UBQLN1: variants seen among roughly 807,000 people sequenced by gnomAD.
UBQLN1 encodes the protein ubiquilin 1.
In UBQLN1, 13 loss-of-function variants were observed where a neutral mutation model predicts 65.4. The observed-to-expected ratio is 0.20, with a 90% CI of 0.13 to 0.32. UBQLN1 has a LOEUF of 0.32. UBQLN1 is among the 10% of genes least tolerant of loss of function. The probability of loss-of-function intolerance (pLI) is 1.00; values close to 1 mark genes in which losing one functional copy is unlikely to be tolerated. For synonymous variants in UBQLN1, 267 were observed against 247.8 expected (o/e 1.08, Z -0.73); for missense variants, 561 against 724.0 (o/e 0.77, Z 2.58).
At chr9:83,707,357 T>C (rs1832429041) in intron 1 of UBQLN1, 143 bp downstream of exon 1, 1 of 921,592 alleles carries the variant, frequency 1.1e-6, no homozygotes, top group African/African-American at 1.8e-5. Context: ...CCCACGAACT[T>C]GGGTGTGATC....
chr9:83,707,694 C>T lies in UBQLN1; in HGVS notation c.-15G>A, dbSNP rs549631010. 279 of 1,525,092 alleles carry T rather than the reference C, an allele frequency of 1.8e-4. 4 individuals carry two copies. In the South Asian group the frequency reaches 3.2e-3, roughly 17 times the overall value. 94.5% of individuals were successfully genotyped at this position (1,525,092 alleles called of 1,614,324 possible). A position where few individuals can be genotyped will look rare whatever the true frequency, so the allele number is the denominator to read the frequency against. ...CTCTCGGCCATGGCTGTGGCGGCGGCGGCGGCGGTGACTCAGGCAAGCAGG... is the reference window on the plus strand; with the variant it reads ...CTCTCGGCCATGGCTGTGGCGGCGGTGGCGGCGGTGACTCAGGCAAGCAGG... On this transcript the variant is annotated 5_prime_UTR_variant, in exon 1 of 11. Transcript: ENST00000376395.
intron 1 of UBQLN1, among the ~76,000 whole-genome samples, chr9:83,693,506 G>A (rs759205291): frequency 6.6e-6 from 1 of 151,854 alleles, no homozygotes; most frequent in Non-Finnish European, 1.5e-5. Flanking sequence ...TGTCTTGAAA[G>A]CATACCTTCT....
chr9:83,682,965 TTGCTAG>T lies in UBQLN1; in HGVS notation c.428_433del (p.Thr143_Ser144del). On this transcript the variant is annotated inframe_deletion, in exon 3 of 11. Coordinates refer to ENST00000376395, the MANE Select transcript of UBQLN1 (RefSeq NM_013438.5). Reference sequence around the variant, plus strand: ...AAGACACTTACCTAAACCAAAAGGGTTGCTAGTAGCAGAACCAGATGTAGAGTTACT... The same window carrying T: ...AAGACACTTACCTAAACCAAAAGGGTTAGCAGAACCAGATGTAGAGTTACT... 1 of 1,609,572 alleles carries T rather than the reference TTGCTAG, an allele frequency of 6.2e-7. No individual in the cohort carries two copies. The highest frequency in any genetic ancestry group is 1.7e-5 in the Admixed American group (1 of 59,918).
chr9:83,690,611 G>A (rs1275629497), intron 1 of UBQLN1, among the ~76,000 whole-genome samples: 1 of 152,144 alleles, frequency 6.6e-6, no homozygotes, highest in East Asian at 1.9e-4. Context: ...GTTCATGACT[G>A]TAACCTCAGC....
rs1380090244 is a variant in UBQLN1, at chr9:83,663,816, GA to G, written c.1617+58del. On this transcript the variant is annotated intron_variant, in intron 10 of 10. Coordinates refer to ENST00000376395, the MANE Select transcript of UBQLN1 (RefSeq NM_013438.5). Reference sequence around the variant, plus strand: ...TTTTCTCCCTTTTTCCTTCTTTTTGGAAATTTCTAAATTTCCAACATTAAGG... The same window carrying G: ...TTTTCTCCCTTTTTCCTTCTTTTTGGAATTTCTAAATTTCCAACATTAAGG... 12 of 1,549,194 alleles carry G rather than the reference GA, an allele frequency of 7.7e-6. No homozygotes were observed. The Admixed American group carries it at 2.1e-4, about 27-fold the overall frequency.
chr9:83,699,298 T>C (rs746437687), intron 1 of UBQLN1, among the ~76,000 whole-genome samples: 3 of 152,242 alleles, frequency 2.0e-5, no homozygotes, highest in Non-Finnish European at 4.4e-5. Flanking sequence ...CAGTCCTTCC[T>C]TTTGATTAAA....
At position 83,679,411 on chromosome 9, in the gene UBQLN1, T is replaced by G. The variant is rs117360718; in HGVS notation, c.711+364A>C. Among the ~76,000 whole-genome samples, 1,067 of 152,332 alleles carry G rather than the reference T, an allele frequency of 7.0e-3. 8 individuals are homozygous for G. The highest frequency in any genetic ancestry group is 0.014 in the Middle Eastern group (4 of 294). On this transcript the variant is annotated intron_variant, in intron 4 of 10. Coordinates refer to ENST00000376395, the MANE Select transcript of UBQLN1 (RefSeq NM_013438.5). Reference sequence around the variant, plus strand: ...CTTTAAAGTTGTTGCAATTTTGTATTCAACATATAAGGCAGGAGGTTATTT... The same window carrying G: ...CTTTAAAGTTGTTGCAATTTTGTATGCAACATATAAGGCAGGAGGTTATTT...
chr9:83,678,636 G>T (rs1489484755), intron 4 of UBQLN1, 37 bp from the exon 5 acceptor site: 2 of 1,572,488 alleles, frequency 1.3e-6, no homozygotes, highest in South Asian at 1.2e-5. Context: ...AAAAAAAAAG[G>T]CATTGAAATA....
chr9:83,707,358 G>A (rs762197943), intron 1 of UBQLN1, 142 bp downstream of exon 1: 20 of 921,544 alleles, frequency 2.2e-5, no homozygotes, highest in Non-Finnish European at 3.0e-5. Context: ...CCACGAACTT[G>A]GGTGTGATCT....
intron 4 of UBQLN1, 68 bp from the exon 5 acceptor site, chr9:83,678,667 C>G: frequency 6.8e-7 from 1 of 1,461,972 alleles, no homozygotes; most frequent in Non-Finnish European, 9.3e-7. Flanking sequence ...ACATTAATTA[C>G]TTTATTAACT....
Position 83,661,781 on chromosome 9 carries a change from A to C in UBQLN1, c.*6T>G. Reference sequence around the variant, plus strand: ...AATTACATTTTTTCAAGATACAGAAATGCTGCTATGATGGCTGGGAGCCCA... The same window carrying C: ...AATTACATTTTTTCAAGATACAGAACTGCTGCTATGATGGCTGGGAGCCCA... On this transcript the variant is annotated 3_prime_UTR_variant, in exon 11 of 11. Coordinates refer to ENST00000376395, the MANE Select transcript of UBQLN1 (RefSeq NM_013438.5). The C allele has an allele frequency of 2.5e-6, 4 of 1,591,640 alleles. No homozygotes were observed. The highest frequency in any genetic ancestry group is 3.4e-6 in the Non-Finnish European group (4 of 1,168,730).
At chr9:83,666,209 G>C in intron 8 of UBQLN1, 141 bp downstream of exon 8, 1 of 719,936 alleles carries the variant, frequency 1.4e-6, no homozygotes, top group Non-Finnish European at 2.3e-6. Flanking sequence ...AGATCAAGCT[G>C]AATTCTCTAC....
intron 1 of UBQLN1, among the ~76,000 whole-genome samples, chr9:83,696,852 C>T (rs1241427713): frequency 6.6e-6 from 1 of 152,088 alleles, no homozygotes; most frequent in Non-Finnish European, 1.5e-5. Flanking sequence ...GGAGACAATC[C>T]ATATAATCAC....
intron 1 of UBQLN1, among the ~76,000 whole-genome samples, chr9:83,702,840 GCTCAATTTGA>G (rs1465353635): frequency 1.3e-5 from 2 of 152,056 alleles, no homozygotes; most frequent in Non-Finnish European, 2.9e-5. Context: ...TCAAAGAAAG[GCTCAATTTGA>G]CTCAATACGT....
chr9:83,687,340 C>A (rs1832056445), intron 1 of UBQLN1, among the ~76,000 whole-genome samples: 1 of 152,130 alleles, frequency 6.6e-6, no homozygotes, highest in Admixed American at 6.5e-5. Context: ...AGATCTTTAC[C>A]AAAATCACCA....
intron 1 of UBQLN1, among the ~76,000 whole-genome samples, chr9:83,704,116 C>T (rs1386503895): frequency 6.6e-6 from 1 of 152,160 alleles, no homozygotes; most frequent in African/African-American, 2.4e-5. Context: ...TACCCTCTGA[C>T]CCTCCAAAAT....
chr9:83,706,358 G>C (rs767753674), intron 1 of UBQLN1, among the ~76,000 whole-genome samples: 4 of 152,094 alleles, frequency 2.6e-5, no homozygotes, highest in African/African-American at 7.2e-5. Flanking sequence ...TACAAAAATG[G>C]TAAGGAAAAT....
At position 83,678,598 on chromosome 9, in the gene UBQLN1, G is replaced by T; in HGVS notation, c.713C>A (p.Thr238Lys). ...TGCTGGATTCCTGGCAAGTTCCAAC[G>T]TCTACGAAAAATATTTCCAAAAAAA... ...MLNNPDIMRQTLELARNPAMM... is the reference protein window; with the variant it reads ...MLNNPDIMRQKLELARNPAMM... Residue 238 changes from threonine (T) to lysine (K), a missense_variant and splice_region_variant, in exon 5 of 11, where the codon ACG (threonine) becomes AAG (lysine). By Grantham distance (78) the Thr-to-Lys change is moderately conservative. Coordinates refer to ENST00000376395, the MANE Select transcript of UBQLN1 (RefSeq NM_013438.5). The T allele has an allele frequency of 6.3e-7, 1 of 1,585,042 alleles. No individual in the cohort carries two copies. Among genetic ancestry groups the T allele is most frequent in the South Asian group, 1.2e-5 (1 of 85,112 alleles).
chr9:83,680,171 C>T lies in UBQLN1; in HGVS notation c.449-134G>A, dbSNP rs906329420. ...TACAAGAAATCATTTAAAAACAAAT[C>T]GAATACCTATTACTAATATTTAATT... On this transcript the variant is annotated intron_variant, in intron 3 of 10. Coordinates refer to ENST00000376395, the MANE Select transcript of UBQLN1 (RefSeq NM_013438.5). The T allele has an allele frequency of 3.5e-5, 34 of 974,268 alleles. No homozygotes were observed. In the African/African-American group the frequency reaches 4.4e-4, roughly 13 times the overall value. 60.4% of individuals were successfully genotyped at this position (974,268 alleles called of 1,614,324 possible).
Sources: allele counts gnomAD v4.1 joint callset (sites outside exome capture counted in the v4.1 genomes callset), GRCh38; gene constraint gnomAD v4.1.1; transcripts MANE v1.5; gene names NCBI Gene and HGNC (gene_info 2026-07-23, HGNC 2026-07-21).